BIN1: variants seen among roughly 807,000 people sequenced by gnomAD.
The protein encoded by BIN1 is bridging integrator 1.
In BIN1, 53 loss-of-function variants were observed where a neutral mutation model predicts 82.0. That is an observed-to-expected ratio of 0.65 (90% CI 0.52 to 0.81). The LOEUF (loss-of-function observed/expected upper bound fraction) is 0.81. Among genes scored for constraint, BIN1 ranks in the 40% least tolerant of loss-of-function variants. The pLI, the probability that BIN1 is intolerant of heterozygous loss-of-function variation, is 0.00. For missense variants in BIN1, 642 were observed against 784.4 expected (o/e 0.82, Z 2.17); for synonymous variants, 302 against 328.0 (o/e 0.92, Z 0.86).
intron 7 of BIN1, among the ~76,000 whole-genome samples, chr2:127,064,260 C>A (rs549400109): frequency 6.6e-6 from 1 of 152,234 alleles, no homozygotes; most frequent in Non-Finnish European, 1.5e-5. Context: ...GAGAGGCCCA[C>A]GTGGCCGGGA....
rs752878597 is a variant in BIN1, at chr2:127,059,131, G to T, written c.882C>A (p.Asn294Lys). ...QPSDNAPAKG[N>K]KSPSPPDGSP... ...AGCCATCTGGAGGCGAAGGGCTCTT[G>T]TTCCCTTTTGCAGGCGCGTTGTCAC... Residue 294 changes from asparagine to lysine, a missense_variant, in exon 11 of 19, where the codon AAC (asparagine) becomes AAA (lysine). Physicochemically the swap from Asn to Lys is moderately conservative, Grantham distance 94. Coordinates refer to ENST00000316724, the MANE Select transcript of BIN1 (RefSeq NM_139343.3). This position sits in a 1 kb window ranked among gnomAD's most constrained non-coding sequence, Gnocchi z 6.7. 6.3e-7 allele frequency: 1 copy of T among 1,586,622 alleles called. No individual in the cohort carries two copies. The highest frequency in any genetic ancestry group is 8.6e-7 in the Non-Finnish European group (1 of 1,167,032).
intron 1 of BIN1, among the ~76,000 whole-genome samples, chr2:127,085,010 T>A (rs564152038): frequency 5.9e-5 from 9 of 152,276 alleles, no homozygotes; most frequent in African/African-American, 2.2e-4. Context: ...CTGGTGACGA[T>A]TGAGGCCTTG....
intron 18 of BIN1, 39 bp from the exon 19 acceptor site, chr2:127,048,672 G>T: frequency 6.3e-7 from 1 of 1,591,438 alleles, no homozygotes; most frequent in Non-Finnish European, 8.6e-7. Context: ...GGATGAGCAA[G>T]GGGCTCCACC....
At chr2:127,049,936 G>A (rs1038143659) in intron 18 of BIN1, among the ~76,000 whole-genome samples, 7 of 152,228 alleles carry the variant, frequency 4.6e-5, no homozygotes, top group African/African-American at 1.2e-4. Context: ...ATGGCCCTGC[G>A]TGCACAGGGC....
In BIN1 at chr2:127,048,621, G is replaced by A. The variant is rs1176046957; in HGVS notation, c.1687C>T (p.Leu563Phe). 3.1e-6 allele frequency: 5 copies of A among 1,612,904 alleles called. No individual in the cohort carries two copies. Among genetic ancestry groups the A allele is most frequent in the Non-Finnish European group, 4.2e-6 (5 of 1,180,004 alleles). Residue 563 changes from leucine to phenylalanine, a missense_variant, in exon 19 of 19, where the codon CTC (leucine) becomes TTC (phenylalanine). By Grantham distance (22) the Leu-to-Phe change is conservative (BLOSUM62 0). Coordinates refer to ENST00000316724, the MANE Select transcript of BIN1 (RefSeq NM_139343.3). Reference sequence around the variant, plus strand: ...CAGTCGCTCTCCTTCACGCCCATGAGCCAGCCTTCATCCTGAGGGGCAGAG... The same window carrying A: ...CAGTCGCTCTCCTTCACGCCCATGAACCAGCCTTCATCCTGAGGGGCAGAG... ...QNPEEQDEGW[L>F]MGVKESDWNQ...
At chr2:127,052,423 A>G in intron 14 of BIN1, 61 bp from the exon 15 acceptor site, 7 of 1,426,282 alleles carry the variant, frequency 4.9e-6, no homozygotes, top group Non-Finnish European at 6.8e-6. Flanking sequence ...TGGAAAGGCA[A>G]TGGGCAGGAT....
At chr2:127,089,505 G>A (rs1678628259) in intron 1 of BIN1, among the ~76,000 whole-genome samples, 1 of 152,164 alleles carries the variant, frequency 6.6e-6, no homozygotes, top group Admixed American at 6.5e-5. Flanking sequence ...ACACGTGTTG[G>A]GGTAACAGCT....
At chr2:127,078,169 C>T (rs1390304668) in intron 1 of BIN1, among the ~76,000 whole-genome samples, 1 of 152,172 alleles carries the variant, frequency 6.6e-6, no homozygotes, top group Non-Finnish European at 1.5e-5. Flanking sequence ...AGGTCCTGTG[C>T]TGCCCTGCTG....
intron 1 of BIN1, among the ~76,000 whole-genome samples, chr2:127,102,880 G>A (rs991139304): frequency 6.6e-6 from 1 of 152,248 alleles, no homozygotes; most frequent in Non-Finnish European, 1.5e-5. Flanking sequence ...CAGGTTCAGA[G>A]GGAAGAGGCC....
chr2:127,081,799 G>A (rs1342307991), intron 1 of BIN1: 5 of 1,286,276 alleles, frequency 3.9e-6, no homozygotes, highest in Non-Finnish European at 5.1e-6. Flanking sequence ...CCACCCAGCT[G>A]CTGAGACCCC....
In BIN1 at chr2:127,062,693, G is replaced by A. The variant is rs556814875; in HGVS notation, c.775-496C>T. Reference sequence around the variant, plus strand: ...TTTGGCCACTAGGGAGCTCAGAGCCGAATCTTCATCCTATTTATAAACAAC... The same window carrying A: ...TTTGGCCACTAGGGAGCTCAGAGCCAAATCTTCATCCTATTTATAAACAAC... On this transcript the variant is annotated intron_variant, in intron 9 of 18. Transcript: ENST00000316724. Among the ~76,000 whole-genome samples the A allele has an allele frequency of 2.2e-3, 335 of 152,264 alleles. 2 individuals carry two copies. The highest frequency in any genetic ancestry group is 7.4e-3 in the African/African-American group (306 of 41,542).
At chr2:127,098,327 C>T (rs1181332359) in intron 1 of BIN1, among the ~76,000 whole-genome samples, 1 of 152,302 alleles carries the variant, frequency 6.6e-6, no homozygotes, top group African/African-American at 2.4e-5. Flanking sequence ...CCAACCCAGT[C>T]CTGTGGCGGC....
chr2:127,058,191 C>T (rs549108457), intron 11 of BIN1, among the ~76,000 whole-genome samples: 58 of 152,326 alleles, frequency 3.8e-4, no homozygotes, highest in African/African-American at 9.6e-4. Flanking sequence ...ACACCCATGA[C>T]GCTGGGCTTC....
chr2:127,095,220 C>G (rs1431441302), intron 1 of BIN1, among the ~76,000 whole-genome samples: 4 of 152,220 alleles, frequency 2.6e-5, no homozygotes, highest in Non-Finnish European at 5.9e-5. Flanking sequence ...CCTGGAGTCC[C>G]CTCCCAAGCC....
chr2:127,097,058 T>A (rs986215818), intron 1 of BIN1, among the ~76,000 whole-genome samples: 1 of 152,184 alleles, frequency 6.6e-6, no homozygotes, highest in African/African-American at 2.4e-5. Flanking sequence ...CACGTTACCG[T>A]GCCCACTCCC....
chr2:127,093,320 G>A lies in BIN1; in HGVS notation c.84+13540C>T, dbSNP rs1483606278. On this transcript the variant is annotated intron_variant, in intron 1 of 18. Coordinates refer to ENST00000316724, the MANE Select transcript of BIN1 (RefSeq NM_139343.3). The surrounding 1 kb of genome is among the most constrained non-coding windows in gnomAD (Gnocchi z 5.7). The stretch of plus-strand genomic sequence containing the variant: ...CTGTCTCTCTCCCCTCTTTTTCCCT[G>A]CCCAGGTGAGTCATCAAAACTGGAA... 6.6e-6 allele frequency among the ~76,000 whole-genome samples: 1 copy of A among 152,100 alleles called. No homozygotes were observed. The highest frequency in any genetic ancestry group is 1.5e-5 in the Non-Finnish European group (1 of 68,010).
At position 127,069,005 on chromosome 2, in the gene BIN1, C is replaced by T. The variant is rs760028920; in HGVS notation, c.438G>A (p.Lys146=). The T allele has an allele frequency of 7.6e-5, 122 of 1,614,070 alleles. No individual in the cohort carries two copies. The highest frequency in any genetic ancestry group is 9.7e-5 in the Non-Finnish European group (115 of 1,180,038). The change falls in exon 6 of 19, where the codon AAG becomes AAA. Residue 146 remains lysine (K), a synonymous_variant. Transcript: ENST00000316724. ...GCCGGGCACTGTCGTAGTCCACCAG[C>T]TTGCGCCCCCGCTTGGCAATGCGTG... is the stretch of plus-strand genomic sequence containing the variant. ...IKSRIAKRGR[K]LVDYDSARHH...
chr2:127,079,916 GACA>G (rs1687078788), intron 1 of BIN1, among the ~76,000 whole-genome samples: 1 of 152,216 alleles, frequency 6.6e-6, no homozygotes, highest in Non-Finnish European at 1.5e-5. Context: ...CCTGAGGGGT[GACA>G]GCAAGCCTGA....
chr2:127,053,313 G>C, intron 14 of BIN1, 109 bp downstream of exon 14: 1 of 1,465,114 alleles, frequency 6.8e-7, no homozygotes, highest in East Asian at 2.4e-5. Flanking sequence ...GCGTGTGGGG[G>C]GTGTGTGGGG....
Sources: gnomAD v4.1 joint callset for allele counts (sites outside exome capture counted in the v4.1 genomes callset) on GRCh38, gnomAD v4.1.1 for gene constraint, Gnocchi (gnomAD v3.1) non-coding constraint, MANE v1.5 for transcripts, NCBI Gene and HGNC (gene_info 2026-07-23, HGNC 2026-07-21) for gene names.